CACNA1A: variants seen among roughly 807,000 people sequenced by gnomAD.
CACNA1A encodes the protein calcium voltage-gated channel subunit alpha1 A, also known as voltage-dependent P/Q-type calcium channel subunit alpha-1A.
Under a neutral mutation model 262.4 loss-of-function variants are expected in CACNA1A, and 57 were observed. The observed-to-expected ratio is 0.22, with a 90% CI of 0.18 to 0.27. The LOEUF (loss-of-function observed/expected upper bound fraction) is 0.27. Ranked by LOEUF, CACNA1A falls within the 10% of genes least tolerant of loss-of-function variation. The pLI, the probability that CACNA1A is intolerant of heterozygous loss-of-function variation, is 1.00. For missense variants in CACNA1A, 2,526 were observed against 3,562.8 expected, an observed-to-expected ratio of 0.71 and a Z score of 7.41; for synonymous variants, 1,431 against 1,419.3, an observed-to-expected ratio of 1.01 and a Z score of -0.18.
At chr19:13,239,277 T>C (rs540492787) in intron 31 of CACNA1A, among the ~76,000 whole-genome samples, 1 of 151,878 alleles carries the variant, frequency 6.6e-6, no homozygotes, top group South Asian at 2.1e-4. Context: ...CCACATTCCC[T>C]CGCTTGCAGA....
chr19:13,489,006 T>TTTTTTTTTTC (rs1980413613), intron 1 of CACNA1A, among the ~76,000 whole-genome samples: 1 of 102,616 alleles, frequency 9.7e-6, no homozygotes, highest in South Asian at 3.6e-4. Flanking sequence ...TTCTTTTCTT[T>TTTTTTTTTTC]TTTTTTTTTT....
rs532268839 is a variant in CACNA1A, at chr19:13,206,944, G to GTTTTTTTTTTTTTT, written c.*355_*368dup. Reference sequence around the variant, plus strand: ...TCTCCCCGTTTTTTCTTTTAAAAATGTTTTTTTTTTTTTTTTTTTTTTTTT... The same window carrying GTTTTTTTTTTTTTT: ...TCTCCCCGTTTTTTCTTTTAAAAATGTTTTTTTTTTTTTTTTTTTTTTTTTTTTTTTTTTTTTTT... On this transcript the variant is annotated 3_prime_UTR_variant, in exon 47 of 47. Transcript: ENST00000360228. 1 of 65,110 alleles carries GTTTTTTTTTTTTTT rather than the reference G, an allele frequency of 1.5e-5. No homozygotes were observed. Among genetic ancestry groups the GTTTTTTTTTTTTTT allele is most frequent in the Non-Finnish European group, 2.7e-5 (1 of 37,602 alleles). The allele number at this position is 65,110 out of a possible 1,614,324, so 4.0% of individuals were successfully genotyped here.
intron 1 of CACNA1A, among the ~76,000 whole-genome samples, chr19:13,458,439 C>T (rs1375282823): frequency 2.6e-5 from 4 of 152,098 alleles, no homozygotes; most frequent in Admixed American, 1.3e-4. Context: ...GCATGAGCCA[C>T]TGTGCCCAGC....
At chr19:13,481,854 C>T (rs1391692423) in intron 1 of CACNA1A, among the ~76,000 whole-genome samples, 1 of 151,998 alleles carries the variant, frequency 6.6e-6, no homozygotes. Flanking sequence ...CGATCACTTG[C>T]TTTCTGTTCT....
intron 38 of CACNA1A, among the ~76,000 whole-genome samples, chr19:13,221,588 A>G (rs906870125): frequency 6.6e-6 from 1 of 151,858 alleles, no homozygotes; most frequent in Non-Finnish European, 1.5e-5. Context: ...TCAGCTGCCA[A>G]ATCACATCAC....
intron 1 of CACNA1A, among the ~76,000 whole-genome samples, chr19:13,497,566 AT>A (rs1568710021): frequency 0.014 from 504 of 36,964 alleles, 133 homozygotes; most frequent in East Asian, 0.019. Context: ...ATATATATAT[AT>A]ATATATATAT....
At chr19:13,347,098 T>C (rs2058805825) in intron 6 of CACNA1A, among the ~76,000 whole-genome samples, 1 of 150,694 alleles carries the variant, frequency 6.6e-6, no homozygotes, top group African/African-American at 2.4e-5. Context: ...TCTTGCTCTG[T>C]CATCCGGGCT....
At position 13,207,229 on chromosome 19, in the gene CACNA1A, C is replaced by T. The variant is rs1396322720; in HGVS notation, c.*84G>A. 14 of 1,365,296 alleles carry T rather than the reference C, an allele frequency of 1.0e-5. No homozygotes were observed. The highest frequency in any genetic ancestry group is 8.6e-6 in the Non-Finnish European group (9 of 1,050,452). 84.6% of individuals were successfully genotyped at this position (1,365,296 alleles called of 1,614,324 possible). ...CCTCTCCCGGGCCCTCTGTGCTGGG[C>T]CCCCGCGGCCTCTGCGCGGCTCCTC... On this transcript the variant is annotated 3_prime_UTR_variant, in exon 47 of 47. Coordinates refer to ENST00000360228, the MANE Select transcript of CACNA1A (RefSeq NM_001127222.2). This position sits in a 1 kb window ranked among gnomAD's most constrained non-coding sequence, Gnocchi z 5.7.
chr19:13,383,480 T>A (rs2059555674), intron 3 of CACNA1A, among the ~76,000 whole-genome samples: 1 of 152,212 alleles, frequency 6.6e-6, no homozygotes, highest in Non-Finnish European at 1.5e-5. Flanking sequence ...ATGGCTTCCA[T>A]CAGGCTTGGA....
intron 44 of CACNA1A, among the ~76,000 whole-genome samples, chr19:13,209,753 C>T (rs1033981251): frequency 6.6e-6 from 1 of 152,192 alleles, no homozygotes; most frequent in Non-Finnish European, 1.5e-5. Flanking sequence ...CTTTTGAGCC[C>T]ATCCTGGGTT....
At chr19:13,319,218 C>T (rs553777285) in intron 10 of CACNA1A, among the ~76,000 whole-genome samples, 1 of 152,184 alleles carries the variant, frequency 6.6e-6, no homozygotes, top group African/African-American at 2.4e-5. Flanking sequence ...CTTATAAACC[C>T]TCAGTTGCAT....
chr19:13,266,458 G>A (rs1374051341), intron 24 of CACNA1A, among the ~76,000 whole-genome samples: 1 of 152,142 alleles, frequency 6.6e-6, no homozygotes, highest in Non-Finnish European at 1.5e-5. Flanking sequence ...ACATGGAACT[G>A]GCTAAAATCT....
At chr19:13,263,952 CCT>C (rs1207751345) in intron 24 of CACNA1A, among the ~76,000 whole-genome samples, 1 of 152,140 alleles carries the variant, frequency 6.6e-6, no homozygotes, top group Middle Eastern at 3.2e-3. Context: ...CACCATATTC[CCT>C]GAGTCTGAAG....
chr19:13,244,093 C>G lies in CACNA1A; in HGVS notation c.4950+1089G>C, dbSNP rs1469976480. 3 of 152,410 alleles carry G rather than the reference C, an allele frequency of 2.0e-5. No homozygotes were observed. The South Asian group carries it at 6.2e-4, about 32-fold the overall frequency. 9.4% of individuals were successfully genotyped at this position (152,410 alleles called of 1,614,324 possible). A position where few individuals can be genotyped will look rare whatever the true frequency, so the allele number is the denominator to read the frequency against. On this transcript the variant is annotated intron_variant, in intron 31 of 46. Transcript: ENST00000360228. The stretch of plus-strand genomic sequence containing the variant: ...GCTTGGGCCCTGGTCTCTGTCTCTC[C>G]ACATTGACAGGACAGCTCCCACTTG...
intron 24 of CACNA1A, among the ~76,000 whole-genome samples, chr19:13,270,155 C>T (rs1040367658): frequency 6.6e-6 from 1 of 152,036 alleles, no homozygotes; most frequent in African/African-American, 2.4e-5. Flanking sequence ...GTGATCTTGT[C>T]GGACTTACTT....
chr19:13,261,668 C>T, intron 25 of CACNA1A, 58 bp from the exon 26 acceptor site: 4 of 1,530,640 alleles, frequency 2.6e-6, no homozygotes, highest in South Asian at 2.4e-5. Context: ...AACCTTCTGC[C>T]TCCAGTGGCC....
chr19:13,393,885 T>C (rs1289100235), intron 3 of CACNA1A, among the ~76,000 whole-genome samples: 1 of 149,170 alleles, frequency 6.7e-6, no homozygotes, highest in Non-Finnish European at 1.5e-5. Context: ...GCATGATCTC[T>C]GCTCACTGCA....
intron 3 of CACNA1A, among the ~76,000 whole-genome samples, chr19:13,423,151 G>A (rs899402327): frequency 1.3e-5 from 2 of 152,160 alleles, no homozygotes; most frequent in Non-Finnish European, 2.9e-5. Flanking sequence ...CCTCTCTGAC[G>A]AACTTTCAGA....
chr19:13,427,250 G>A (rs1054452946), intron 3 of CACNA1A, among the ~76,000 whole-genome samples: 1 of 151,934 alleles, frequency 6.6e-6, no homozygotes. Context: ...TCAGGAGTTC[G>A]AGACCAGCCT....
Sources: allele counts gnomAD v4.1 joint callset (sites outside exome capture counted in the v4.1 genomes callset), GRCh38; gene constraint gnomAD v4.1.1; non-coding constraint Gnocchi (gnomAD v3.1); transcripts MANE v1.5; gene names NCBI Gene and HGNC (gene_info 2026-07-23, HGNC 2026-07-21).